Variants in MAF observed in about 807,000 individuals in gnomAD.
MAF encodes the protein MAF bZIP transcription factor.
MAF carries 10 observed loss-of-function variants against 22.0 expected under a neutral mutation model. That is an observed-to-expected ratio of 0.45 (90% CI 0.28 to 0.77). The LOEUF (loss-of-function observed/expected upper bound fraction) is 0.77. MAF is among the 30% of genes least tolerant of loss of function. The probability of loss-of-function intolerance (pLI) is 0.12; values close to 1 mark genes in which losing one functional copy is unlikely to be tolerated. For missense variants in MAF, 544 were observed against 548.4 expected (o/e 0.99, Z 0.08); for synonymous variants, 337 against 255.8 (o/e 1.32, Z -3.03).
chr16:79,294,412 C>T, the MAF span, among the ~76,000 whole-genome samples: 1,154 of 152,262 alleles, frequency 7.6e-3, 15 homozygotes, highest in African/African-American at 0.025. Flanking sequence ...CTCTTGACTA[C>T]GTGTGATCAA....
the MAF span, among the ~76,000 whole-genome samples, chr16:79,578,924 G>A: frequency 6.6e-6 from 1 of 152,118 alleles, no homozygotes; most frequent in African/African-American, 2.4e-5. Context: ...AGTCCCCCTA[G>A]TAAAATTATT....
chr16:79,371,641 C>T, the MAF span, among the ~76,000 whole-genome samples: 1 of 152,160 alleles, frequency 6.6e-6, no homozygotes, highest in Non-Finnish European at 1.5e-5. Context: ...TGTGAAATGC[C>T]TTTCCCTAAA....
the MAF span, among the ~76,000 whole-genome samples, chr16:79,477,898 A>G: frequency 6.6e-6 from 1 of 151,316 alleles, no homozygotes; most frequent in Non-Finnish European, 1.5e-5. Flanking sequence ...TAATTTTTGT[A>G]TTTTTAGTAG....
intron 1 of MAF, among the ~76,000 whole-genome samples, chr16:79,586,094 G>C (rs542267262): frequency 6.6e-6 from 1 of 152,308 alleles, no homozygotes; most frequent in African/African-American, 2.4e-5. Flanking sequence ...CTTTTGGGTG[G>C]TGGCCTCAAC....
chr16:79,496,973 G>A, the MAF span, among the ~76,000 whole-genome samples: 2 of 152,144 alleles, frequency 1.3e-5, no homozygotes. Context: ...GGTCTTGGTT[G>A]AGGCAGAAAC....
the MAF span, among the ~76,000 whole-genome samples, chr16:79,571,584 A>G: frequency 7.4e-6 from 1 of 135,096 alleles, no homozygotes; most frequent in Non-Finnish European, 1.5e-5. Context: ...GTACTTCCCC[A>G]TAAAATGGGA....
At chr16:79,432,897 G>A in the MAF span, among the ~76,000 whole-genome samples, 1 of 152,176 alleles carries the variant, frequency 6.6e-6, no homozygotes, top group African/African-American at 2.4e-5. Flanking sequence ...AACCAACTTT[G>A]CCAGCACAGT....
At chr16:79,212,392 A>AAGTACTTGTCATAGACTC in the MAF span, 3 of 465,900 alleles carry the variant, frequency 6.4e-6, no homozygotes, top group Non-Finnish European at 1.1e-5. Context: ...CCAGGTGGCA[A>AAGTACTTGTCATAGACTC]AGTACTTGTC....
the MAF span, among the ~76,000 whole-genome samples, chr16:79,461,962 A>G: frequency 2.6e-5 from 4 of 152,098 alleles, no homozygotes; most frequent in African/African-American, 7.2e-5. Context: ...AGCCCAGTGT[A>G]TTGCTCCAGT....
the MAF span, among the ~76,000 whole-genome samples, chr16:79,427,712 C>T: frequency 0.017 from 2,530 of 152,162 alleles, 60 homozygotes; most frequent in African/African-American, 0.057. Context: ...CCTGATAGCC[C>T]TGTACTGGCC....
the MAF span, among the ~76,000 whole-genome samples, chr16:79,309,294 TA>T: frequency 6.6e-6 from 1 of 152,170 alleles, no homozygotes; most frequent in African/African-American, 2.4e-5. Context: ...AGCGCCTTGT[TA>T]TATAATTGCC....
At chr16:79,546,979 G>T in the MAF span, among the ~76,000 whole-genome samples, 1 of 152,104 alleles carries the variant, frequency 6.6e-6, no homozygotes, top group Admixed American at 6.6e-5. Flanking sequence ...TGCAAATTTG[G>T]GGGTGATGAC....
the MAF span, among the ~76,000 whole-genome samples, chr16:79,509,659 G>A: frequency 6.6e-6 from 1 of 152,256 alleles, no homozygotes; most frequent in African/African-American, 2.4e-5. Context: ...ACCTTGGCCT[G>A]AGCGTGTAAT....
At chr16:79,337,289 C>T in the MAF span, among the ~76,000 whole-genome samples, 1 of 152,158 alleles carries the variant, frequency 6.6e-6, no homozygotes, top group African/African-American at 2.4e-5. Context: ...ACACAGACAG[C>T]AGTCAGGCAT....
downstream of MAF, chr16:79,593,835 G>T (rs539981656): frequency 6.6e-5 from 12 of 180,994 alleles, no homozygotes; most frequent in Admixed American, 2.5e-4. Flanking sequence ...CACACAGAGG[G>T]TGTGTATTTA....
At chr16:79,511,282 C>T in the MAF span, among the ~76,000 whole-genome samples, 3 of 152,090 alleles carry the variant, frequency 2.0e-5, no homozygotes, top group Admixed American at 6.6e-5. Context: ...AAAAGATCCC[C>T]CAACACGTCA....
chr16:79,550,133 G>C, the MAF span, among the ~76,000 whole-genome samples: 1 of 151,962 alleles, frequency 6.6e-6, no homozygotes, highest in African/African-American at 2.4e-5. Flanking sequence ...GTTCCCCCAG[G>C]GCATCTGCAG....
chr16:79,433,782 C>T, the MAF span, among the ~76,000 whole-genome samples: 1,193 of 152,060 alleles, frequency 7.8e-3, 13 homozygotes, highest in African/African-American at 0.025. Flanking sequence ...CTTAGGCTAG[C>T]GGTGTTTTAA....
At chr16:79,215,873 C>T in the MAF span, among the ~76,000 whole-genome samples, 1 of 152,290 alleles carries the variant, frequency 6.6e-6, no homozygotes, top group East Asian at 1.9e-4. Flanking sequence ...ATCTACGTTA[C>T]TTGAAGATGA....
Sources: allele counts gnomAD v4.1 joint callset (sites outside exome capture counted in the v4.1 genomes callset), GRCh38; gene constraint gnomAD v4.1.1; transcripts MANE v1.5; gene names NCBI Gene and HGNC (gene_info 2026-07-23, HGNC 2026-07-21).